Variants in MACO1 observed in about 807,000 individuals in gnomAD.
MACO1 encodes the protein macoilin 1.
A neutral mutation model predicts 78.7 loss-of-function variants in MACO1; 14 were observed. That is an observed-to-expected ratio of 0.18 (90% CI 0.12 to 0.28). MACO1 has a LOEUF of 0.28. MACO1 is among the 10% of genes least tolerant of loss of function. The pLI, the probability that MACO1 is intolerant of heterozygous loss-of-function variation, is 1.00. For missense variants in MACO1, 501 were observed against 799.0 expected (o/e 0.63, Z 4.50); for synonymous variants, 288 against 291.6 (o/e 0.99, Z 0.12).
At chr1:25,437,764 C>G (rs187422401) in intron 1 of MACO1, among the ~76,000 whole-genome samples, 27 of 151,864 alleles carry the variant, frequency 1.8e-4, no homozygotes, top group African/African-American at 6.3e-4. Flanking sequence ...TACTAAAATT[C>G]AAAAAAATTA....
At chr1:25,457,618 T>A (rs2043132714) in intron 5 of MACO1, among the ~76,000 whole-genome samples, 1 of 152,202 alleles carries the variant, frequency 6.6e-6, no homozygotes, top group Non-Finnish European at 1.5e-5. Context: ...TAATGCAGAT[T>A]TTAAATTGAA....
intron 1 of MACO1, among the ~76,000 whole-genome samples, chr1:25,433,039 G>T (rs561664084): frequency 6.6e-6 from 1 of 152,260 alleles, no homozygotes; most frequent in East Asian, 1.9e-4. Context: ...AATACTCTTT[G>T]CAAGTTATTC....
At chr1:25,482,057 T>C (rs2124606043) in intron 6 of MACO1, among the ~76,000 whole-genome samples, 1 of 152,276 alleles carries the variant, frequency 6.6e-6, no homozygotes, top group South Asian at 2.1e-4. Context: ...TAGTGCTTAA[T>C]AAAACATGTC....
At chr1:25,452,596 C>T (rs185891174) in intron 3 of MACO1, among the ~76,000 whole-genome samples, 1 of 152,226 alleles carries the variant, frequency 6.6e-6, no homozygotes, top group South Asian at 2.1e-4. Context: ...TCTTTAGGAA[C>T]CTTCAACATA....
chr1:25,480,925 AAAAAATATATATATATAT>A (rs1557673205), intron 6 of MACO1, among the ~76,000 whole-genome samples: 4 of 32,116 alleles, frequency 1.2e-4, no homozygotes, highest in African/African-American at 3.7e-4. Context: ...AAAAAAAAAA[AAAAAATATATATATATAT>A]ATATATATAT....
At chr1:25,469,633 C>CTTT (rs1222159978) in intron 6 of MACO1, among the ~76,000 whole-genome samples, 17 of 127,436 alleles carry the variant, frequency 1.3e-4, no homozygotes, top group South Asian at 2.5e-4. Context: ...TAACCTCTGA[C>CTTT]TTTTTTTTTT....
At chr1:25,433,448 C>T (rs1423387802) in intron 1 of MACO1, among the ~76,000 whole-genome samples, 1 of 152,148 alleles carries the variant, frequency 6.6e-6, no homozygotes, top group Non-Finnish European at 1.5e-5. Context: ...CCATCTATTG[C>T]CCATTTTGTT....
chr1:25,495,295 CAAAG>C (rs888769312), intron 10 of MACO1, among the ~76,000 whole-genome samples: 9 of 152,304 alleles, frequency 5.9e-5, no homozygotes, highest in African/African-American at 2.2e-4. Flanking sequence ...CCTGAAGTGA[CAAAG>C]AAGCCAAAAG....
rs1471868169 is a variant in MACO1, at chr1:25,498,460, G to A, written c.1989G>A (p.Lys663=). Residue 663 remains lysine (K), a synonymous_variant, in exon 11 of 11, where the codon AAG becomes AAA. Transcript: ENST00000374343. ...DPNASVYQPL[K]K is the part of the protein sequence containing the mutation. ...ATGCCTCTGTTTACCAGCCCCTGAA[G>A]AAATGAAGGCCAGCTGTGTGTTGTG... The A allele has an allele frequency of 1.2e-6, 2 of 1,608,182 alleles. No individual in the cohort carries two copies. Among genetic ancestry groups the A allele is most frequent in the Admixed American group, 3.4e-5 (2 of 58,712 alleles).
chr1:25,466,270 G>A (rs1012858037), intron 6 of MACO1, among the ~76,000 whole-genome samples: 3 of 152,110 alleles, frequency 2.0e-5, no homozygotes, highest in African/African-American at 7.2e-5. Flanking sequence ...CCTTGCCAAC[G>A]TGTGTTATTT....
Position 25,498,373 on chromosome 1 carries a change from C to T in MACO1, c.1902C>T (p.Ser634=). The change falls in exon 11 of 11, where the codon AGC becomes AGT. Residue 634 remains serine, a synonymous_variant. Coordinates refer to ENST00000374343, the MANE Select transcript of MACO1 (RefSeq NM_018202.6). ...ITYSAATSPL[S]PVSPHYSSKF... ...ACAGTGCCGCCACCAGCCCCCTGAGCCCTGTTTCCCCCCACTACTCTTCCA... is the reference window on the plus strand; with the variant it reads ...ACAGTGCCGCCACCAGCCCCCTGAGTCCTGTTTCCCCCCACTACTCTTCCA... 6.2e-7 allele frequency: 1 copy of T among 1,614,076 alleles called. No homozygotes were observed. The highest frequency in any genetic ancestry group is 8.5e-7 in the Non-Finnish European group (1 of 1,180,014).
intron 1 of MACO1, among the ~76,000 whole-genome samples, chr1:25,440,624 C>T (rs2042963189): frequency 6.6e-6 from 1 of 151,494 alleles, no homozygotes; most frequent in Non-Finnish European, 1.5e-5. Context: ...CAAAAATTAG[C>T]CAGGCATGGT....
rs1350350379 is a variant in MACO1, at chr1:25,471,023, G to A, written c.1154+12131G>A. 6.0e-5 allele frequency among the ~76,000 whole-genome samples: 9 copies of A among 151,208 alleles called. No homozygotes were observed. In the East Asian group the frequency reaches 1.6e-3, roughly 26 times the overall value. On this transcript the variant is annotated intron_variant, in intron 6 of 10. Transcript: ENST00000374343. Reference sequence around the variant, plus strand: ...AGCCTGGGCCACAGAGTGAGAACCTGTCTTTAAAAAAAATTAAAAATATAT... The same window carrying A: ...AGCCTGGGCCACAGAGTGAGAACCTATCTTTAAAAAAAATTAAAAATATAT...
At chr1:25,481,935 G>T (rs573467662) in intron 6 of MACO1, among the ~76,000 whole-genome samples, 2 of 152,144 alleles carry the variant, frequency 1.3e-5, no homozygotes, top group Non-Finnish European at 2.9e-5. Flanking sequence ...TATGATTTGG[G>T]GTTTTGGGGG....
chr1:25,486,910 CAGG>C (rs920322169), intron 8 of MACO1, among the ~76,000 whole-genome samples: 1 of 152,168 alleles, frequency 6.6e-6, no homozygotes, highest in Non-Finnish European at 1.5e-5. Flanking sequence ...CTTAAACTTG[CAGG>C]AGATGTTCTT....
intron 3 of MACO1, among the ~76,000 whole-genome samples, chr1:25,450,331 AC>A (rs1213650777): frequency 6.6e-6 from 1 of 152,034 alleles, no homozygotes; most frequent in Non-Finnish European, 1.5e-5. Flanking sequence ...AGAGCTCCCT[AC>A]TTCTTAGAGC....
intron 6 of MACO1, among the ~76,000 whole-genome samples, chr1:25,483,252 C>T (rs768555184): frequency 3.3e-5 from 5 of 152,110 alleles, no homozygotes; most frequent in Non-Finnish European, 7.4e-5. Flanking sequence ...GGTTTCACCA[C>T]GTTGGCCAGG....
At chr1:25,474,544 A>G (rs1462733253) in intron 6 of MACO1, among the ~76,000 whole-genome samples, 1 of 152,140 alleles carries the variant, frequency 6.6e-6, no homozygotes, top group African/African-American at 2.4e-5. Context: ...GTACCTCTCT[A>G]GAGTGAAACA....
intron 6 of MACO1, among the ~76,000 whole-genome samples, chr1:25,467,412 G>C (rs2043229185): frequency 6.6e-6 from 1 of 152,160 alleles, no homozygotes; most frequent in Admixed American, 6.5e-5. Context: ...AAGACCATGT[G>C]GTTTCTTGTC....
Sources: allele counts gnomAD v4.1 joint callset (sites outside exome capture counted in the v4.1 genomes callset), GRCh38; gene constraint gnomAD v4.1.1; transcripts MANE v1.5; gene names NCBI Gene and HGNC (gene_info 2026-07-23, HGNC 2026-07-21).